YWHAB: variants seen among roughly 807,000 people sequenced by gnomAD.
YWHAB encodes the protein 14-3-3 protein beta/alpha.
Under a neutral mutation model 28.5 loss-of-function variants are expected in YWHAB, and 2 were observed. That is an observed-to-expected ratio of 0.07 (90% confidence interval 0.03 to 0.22). YWHAB has a LOEUF of 0.22. YWHAB is among the 10% of genes least tolerant of loss of function. The pLI is 1.00. For synonymous variants in YWHAB, 103 were observed against 104.7 expected (o/e 0.98, Z 0.10); for missense variants, 148 against 297.1 (o/e 0.50, Z 3.69).
intron 1 of YWHAB, among the ~76,000 whole-genome samples, chr20:44,894,656 A>G (rs1416154010): frequency 6.6e-6 from 1 of 152,252 alleles, no homozygotes; most frequent in African/African-American, 2.4e-5. Flanking sequence ...GAGAAGAATA[A>G]TAGTACTTCA....
rs181758985 is a variant in YWHAB, at chr20:44,898,611, C to T, written c.-3-2920C>T. On this transcript the variant is annotated intron_variant, in intron 1 of 5. Coordinates refer to ENST00000353703, the MANE Select transcript of YWHAB (RefSeq NM_139323.4). ...GCAACCTCCGTCTTCCGGGTTCAAG[C>T]GATTCTCTTGCTCAGCCTCCCCAGT... is the stretch of plus-strand genomic sequence containing the variant. 2.8e-3 allele frequency among the ~76,000 whole-genome samples: 419 copies of T among 151,904 alleles called. 3 individuals carry two copies. The highest frequency in any genetic ancestry group is 9.0e-3 in the African/African-American group (374 of 41,446).
chr20:44,900,557 AATAG>A (rs1292033919), intron 1 of YWHAB, among the ~76,000 whole-genome samples: 3 of 152,346 alleles, frequency 2.0e-5, no homozygotes, highest in Admixed American at 1.3e-4. Context: ...GGTGCAGCCA[AATAG>A]ATCATTTAAA....
intron 1 of YWHAB, among the ~76,000 whole-genome samples, chr20:44,890,249 G>A (rs980744879): frequency 3.3e-5 from 5 of 152,198 alleles, no homozygotes; most frequent in African/African-American, 1.2e-4. Context: ...ATGATTGGTA[G>A]CTGAAAAATA....
intron 2 of YWHAB, chr20:44,902,128 G>A (rs1430513266): frequency 3.6e-6 from 1 of 281,530 alleles, no homozygotes; most frequent in Non-Finnish European, 6.7e-6. Flanking sequence ...AGATAGACAG[G>A]ATTTTAATAG....
chr20:44,906,461 G>C lies in YWHAB; in HGVS notation c.*23G>C. On this transcript the variant is annotated 3_prime_UTR_variant, in exon 6 of 6. Transcript: ENST00000353703. ...TAATGTTTCTCGTGCTTTGTGATCT[G>C]TTCAGTGTCACTCTGTACCCTCAAC... The C allele has an allele frequency of 6.6e-7, 1 of 1,510,222 alleles. No individual in the cohort carries two copies. The highest frequency in any genetic ancestry group is 9.0e-7 in the Non-Finnish European group (1 of 1,111,030). The allele number at this position is 1,510,222 out of a possible 1,614,324, so 93.6% of individuals were successfully genotyped here.
intron 1 of YWHAB, among the ~76,000 whole-genome samples, chr20:44,894,725 T>C (rs1371895496): frequency 6.6e-6 from 1 of 152,236 alleles, no homozygotes; most frequent in Admixed American, 6.5e-5. Flanking sequence ...ATTCTTTAAT[T>C]CCCTGCGCCT....
chr20:44,905,932 G>C, intron 4 of YWHAB, 69 bp from the exon 5 acceptor site: 2 of 1,235,258 alleles, frequency 1.6e-6, no homozygotes, highest in South Asian at 1.3e-5. Context: ...TTCACCTAGC[G>C]GGAAAAAAAG....
chr20:44,899,850 T>C (rs529402832), intron 1 of YWHAB, among the ~76,000 whole-genome samples: 2 of 152,354 alleles, frequency 1.3e-5, no homozygotes, highest in African/African-American at 4.8e-5. Flanking sequence ...AACTCAGTTA[T>C]GGTTCAGATG....
rs45467003 is a variant in YWHAB, at chr20:44,906,528, G to C, written c.*90G>C. On this transcript the variant is annotated 3_prime_UTR_variant, in exon 6 of 6. Transcript: ENST00000353703. ...ATAAAAAAAAAAAAAAAAAAAAAAA[G>C]AGAATCGTACGTCGACTTTCGATTT... is the stretch of plus-strand genomic sequence containing the variant. 1 of 459,378 alleles carries C rather than the reference G, an allele frequency of 2.2e-6. No individual in the cohort carries two copies. Among genetic ancestry groups the C allele is most frequent in the Non-Finnish European group, 3.3e-6 (1 of 305,370 alleles). The allele number at this position is 459,378 out of a possible 1,614,324, so 28.5% of individuals were successfully genotyped here. A position where few individuals can be genotyped will look rare whatever the true frequency, so the allele number is the denominator to read the frequency against.
chr20:44,907,828 A>G lies in YWHAB; in HGVS notation c.*1390A>G, dbSNP rs2066667546. On this transcript the variant is annotated 3_prime_UTR_variant, in exon 6 of 6. Coordinates refer to ENST00000353703, the MANE Select transcript of YWHAB (RefSeq NM_139323.4). ...AGTTCTCAACACGGTGTTGCTCTTCAGTCATACCGGAATCTGAATCAAAAA... is the reference window on the plus strand; with the variant it reads ...AGTTCTCAACACGGTGTTGCTCTTCGGTCATACCGGAATCTGAATCAAAAA... 1 of 152,234 alleles carries G rather than the reference A, an allele frequency of 6.6e-6. No individual in the cohort carries two copies. The highest frequency in any genetic ancestry group is 1.5e-5 in the Non-Finnish European group (1 of 68,048). 9.4% of individuals were successfully genotyped at this position (152,234 alleles called of 1,614,324 possible). A position where few individuals can be genotyped will look rare whatever the true frequency, so the allele number is the denominator to read the frequency against.
At position 44,906,485 on chromosome 20, in the gene YWHAB, A is replaced by C. The variant is rs780912815; in HGVS notation, c.*47A>C. 7.3e-7 allele frequency: 1 copy of C among 1,371,158 alleles called. No individual in the cohort carries two copies. 84.9% of individuals were successfully genotyped at this position (1,371,158 alleles called of 1,614,324 possible). A position where few individuals can be genotyped will look rare whatever the true frequency, so the allele number is the denominator to read the frequency against. On this transcript the variant is annotated 3_prime_UTR_variant, in exon 6 of 6. Transcript: ENST00000353703. ...TGTTCAGTGTCACTCTGTACCCTCAACATATATCCCTTGTGCGATAAAAAA... is the reference window on the plus strand; with the variant it reads ...TGTTCAGTGTCACTCTGTACCCTCACCATATATCCCTTGTGCGATAAAAAA...
chr20:44,888,876 C>A (rs1897673682), intron 1 of YWHAB, among the ~76,000 whole-genome samples: 1 of 152,162 alleles, frequency 6.6e-6, no homozygotes, highest in Admixed American at 6.5e-5. Context: ...CTTACGACTT[C>A]ATCAGTAGAT....
rs1251738609 is a variant in YWHAB, at chr20:44,885,732, G to T, written c.-158G>T. 2 of 177,628 alleles carry T rather than the reference G, an allele frequency of 1.1e-5. No homozygotes were observed. Among genetic ancestry groups the T allele is most frequent in the South Asian group, 1.0e-4 (1 of 9,702 alleles). The allele number at this position is 177,628 out of a possible 1,614,324, so 11.0% of individuals were successfully genotyped here. On this transcript the variant is annotated 5_prime_UTR_variant, in exon 1 of 6. Coordinates refer to ENST00000353703, the MANE Select transcript of YWHAB (RefSeq NM_139323.4). The stretch of plus-strand genomic sequence containing the variant: ...AAGTGGAGCTACCGCCACCGCCGCC[G>T]CCGATTCCGGAGCCGGGGTAGTCGC...
chr20:44,888,455 TCACA>T (rs1338257495), intron 1 of YWHAB, among the ~76,000 whole-genome samples: 1 of 152,204 alleles, frequency 6.6e-6, no homozygotes, highest in Non-Finnish European at 1.5e-5. Context: ...TCCCGAGGTC[TCACA>T]CACAGCGCAA....
In YWHAB at chr20:44,885,767, C is replaced by CGCCGCT; in HGVS notation, c.-120_-115dup. On this transcript the variant is annotated 5_prime_UTR_variant, in exon 1 of 6. Transcript: ENST00000353703. ...GAGCCGGGGTAGTCGCCGCCGCCGCCGCCGCTGCAGCCACTGCAGGCACCG... is the reference window on the plus strand; with the variant it reads ...GAGCCGGGGTAGTCGCCGCCGCCGCCGCCGCTGCCGCTGCAGCCACTGCAGGCACCG... 1.1e-5 allele frequency: 2 copies of CGCCGCT among 182,348 alleles called. No homozygotes were observed. Among genetic ancestry groups the CGCCGCT allele is most frequent in the East Asian group, 1.7e-4 (1 of 5,722 alleles). 11.3% of individuals were successfully genotyped at this position (182,348 alleles called of 1,614,324 possible). A position where few individuals can be genotyped will look rare whatever the true frequency, so the allele number is the denominator to read the frequency against.
chr20:44,899,593 A>G (rs920688478), intron 1 of YWHAB, among the ~76,000 whole-genome samples: 2 of 152,230 alleles, frequency 1.3e-5, no homozygotes, highest in African/African-American at 4.8e-5. Context: ...TGTGGCACAG[A>G]TTGATATATC....
intron 4 of YWHAB, 91 bp downstream of exon 4, chr20:44,905,222 G>C: frequency 7.3e-7 from 1 of 1,368,726 alleles, no homozygotes; most frequent in Non-Finnish European, 9.8e-7. Context: ...CATTGTCTTG[G>C]ACTTTTTTTG....
chr20:44,896,345 A>G (rs1405293849), intron 1 of YWHAB, among the ~76,000 whole-genome samples: 1 of 152,212 alleles, frequency 6.6e-6, no homozygotes, highest in Non-Finnish European at 1.5e-5. Flanking sequence ...GCTTCATGGA[A>G]GGGATGGTAT....
At chr20:44,891,988 TTTAAC>T (rs1285242894) in intron 1 of YWHAB, among the ~76,000 whole-genome samples, 1 of 152,202 alleles carries the variant, frequency 6.6e-6, no homozygotes, top group African/African-American at 2.4e-5. Flanking sequence ...GCCAGGAGTG[TTTAAC>T]TTTTTCTGGG....
Sources: gnomAD v4.1 joint callset for allele counts (sites outside exome capture counted in the v4.1 genomes callset) on GRCh38, gnomAD v4.1.1 for gene constraint, MANE v1.5 for transcripts, NCBI Gene and HGNC (gene_info 2026-07-23, HGNC 2026-07-21) for gene names.